The following C9 variants were observed in gnomAD, a reference collection of about 807,000 sequenced individuals.
C9 encodes complement component C9.
A neutral mutation model predicts 65.4 loss-of-function variants in C9; 63 were observed. That is an observed-to-expected ratio of 0.96 (90% CI 0.79 to 1.19). C9 has a LOEUF of 1.19. C9 is among the 50% of genes most tolerant of loss of function. The pLI is 0.00. For missense variants in C9, 744 were observed against 670.1 expected, an observed-to-expected ratio of 1.11 and a Z score of -1.22; for synonymous variants, 229 against 227.9, an observed-to-expected ratio of 1.00 and a Z score of -0.04.
chr5:39,303,583 CAT>C (rs1753322009), intron 9 of C9, among the ~76,000 whole-genome samples: 2 of 150,508 alleles, frequency 1.3e-5, no homozygotes, highest in Admixed American at 1.3e-4. Context: ...TATTTTACCA[CAT>C]AGTTTACTTA....
At chr5:39,301,285 G>C (rs1345477837) in intron 9 of C9, among the ~76,000 whole-genome samples, 1 of 152,038 alleles carries the variant, frequency 6.6e-6, no homozygotes, top group East Asian at 1.9e-4. Context: ...CATAAAAAGT[G>C]TCAAGGTTGA....
At chr5:39,311,478 A>G in intron 6 of C9, 101 bp from the exon 7 acceptor site, 1 of 1,141,344 alleles carries the variant, frequency 8.8e-7, no homozygotes, top group African/African-American at 1.5e-5. Flanking sequence ...TAAATGTTTT[A>G]GCAGTGACCA....
At chr5:39,316,952 A>G (rs1001766445) in intron 5 of C9, among the ~76,000 whole-genome samples, 3 of 152,234 alleles carry the variant, frequency 2.0e-5, no homozygotes, top group African/African-American at 7.2e-5. Flanking sequence ...GAACCAATTT[A>G]CACACCCACC....
chr5:39,301,187 T>G (rs1753274205), intron 9 of C9, among the ~76,000 whole-genome samples: 1 of 152,152 alleles, frequency 6.6e-6, no homozygotes, highest in African/African-American at 2.4e-5. Flanking sequence ...AGAACATTAC[T>G]TCTGTAGTAT....
chr5:39,312,604 G>A (rs1163101159), intron 6 of C9, among the ~76,000 whole-genome samples: 1 of 152,108 alleles, frequency 6.6e-6, no homozygotes, highest in African/African-American at 2.4e-5. Context: ...GGCCAGGGCT[G>A]ATGGCTTACC....
At chr5:39,294,495 CCT>C (rs1753149876) in intron 9 of C9, among the ~76,000 whole-genome samples, 1 of 151,706 alleles carries the variant, frequency 6.6e-6, no homozygotes, top group Non-Finnish European at 1.5e-5. Flanking sequence ...ACACATACAA[CCT>C]CTCGAGTTTG....
At chr5:39,323,935 A>G (rs543259443) in intron 5 of C9, among the ~76,000 whole-genome samples, 3 of 152,292 alleles carry the variant, frequency 2.0e-5, no homozygotes, top group African/African-American at 7.2e-5. Flanking sequence ...ACAAAACAAG[A>G]CAAAAAATGT....
intron 5 of C9, among the ~76,000 whole-genome samples, chr5:39,327,167 A>T (rs1221939092): frequency 6.6e-6 from 1 of 152,182 alleles, no homozygotes; most frequent in African/African-American, 2.4e-5. Flanking sequence ...GCAATCAAAA[A>T]TCAGATCAGG....
chr5:39,316,343 CT>C (rs370174427), intron 5 of C9, among the ~76,000 whole-genome samples: 4,514 of 152,134 alleles, frequency 0.03, 206 homozygotes, highest in African/African-American at 0.1. Context: ...GTATAGCAAA[CT>C]TTTTTTTCAA....
chr5:39,343,134 A>G (rs1416687630), intron 1 of C9, among the ~76,000 whole-genome samples: 1 of 151,988 alleles, frequency 6.6e-6, no homozygotes, highest in Non-Finnish European at 1.5e-5. Context: ...TGCATTTCCA[A>G]CTGAGGTACC....
rs369139477 is a variant in C9 at position 39,306,687 on chromosome 5, A to G, written c.1346T>C (p.Val449Ala). ...GTTGACAAAGTCAGTCACATCAATC[A>G]CGGTTCCTCGGAGAAGCTTTTCTTT... ...ELKEKLLRGT[V>A]IDVTDFVNWA... Residue 449 changes from valine to alanine, a missense_variant, in exon 9 of 11, where the codon GTG (valine) becomes GCG (alanine). Val to Ala is a moderately conservative substitution (Grantham distance 64, BLOSUM62 0). Transcript: ENST00000263408. The G allele has an allele frequency of 1.9e-6, 3 of 1,613,448 alleles. No individual in the cohort carries two copies. The highest frequency in any genetic ancestry group is 2.7e-5 in the African/African-American group (2 of 74,886).
At chr5:39,361,454 A>G (rs700226) in intron 1 of C9, among the ~76,000 whole-genome samples, 54,391 of 152,140 alleles carry the variant, frequency 0.36, 10,239 homozygotes, top group Middle Eastern at 0.49. Flanking sequence ...AGTTAGAGAG[A>G]AAAGGTAATG....
intron 1 of C9, among the ~76,000 whole-genome samples, chr5:39,356,699 T>C (rs150055487): frequency 5.3e-4 from 81 of 152,320 alleles, no homozygotes; most frequent in Middle Eastern, 3.4e-3. Context: ...AAAAAGAATA[T>C]ATTATTGAAA....
At chr5:39,307,066 C>T (rs1325971740) in intron 8 of C9, among the ~76,000 whole-genome samples, 1 of 152,106 alleles carries the variant, frequency 6.6e-6, no homozygotes, top group Non-Finnish European at 1.5e-5. Flanking sequence ...TTCACAGCTC[C>T]TCACATACAA....
intron 4 of C9, among the ~76,000 whole-genome samples, chr5:39,336,288 A>G (rs1753963613): frequency 2.0e-5 from 3 of 152,108 alleles, no homozygotes; most frequent in Non-Finnish European, 4.4e-5. Context: ...GACTTCCTAT[A>G]TACTCTATGC....
chr5:39,304,894 T>C (rs1753346414), intron 9 of C9, among the ~76,000 whole-genome samples: 1 of 152,198 alleles, frequency 6.6e-6, no homozygotes, highest in Non-Finnish European at 1.5e-5. Flanking sequence ...ATAAATCTAG[T>C]AGTAAATCTT....
At chr5:39,303,069 C>G (rs1753310740) in intron 9 of C9, among the ~76,000 whole-genome samples, 1 of 152,158 alleles carries the variant, frequency 6.6e-6, no homozygotes. Flanking sequence ...GCTGCTATTG[C>G]TCTAGAAGAA....
At chr5:39,301,987 A>G (rs1753292072) in intron 9 of C9, among the ~76,000 whole-genome samples, 1 of 152,108 alleles carries the variant, frequency 6.6e-6, no homozygotes, top group African/African-American at 2.4e-5. Context: ...AAAGAAATTC[A>G]TCTTGTTATA....
At chr5:39,317,678 C>G (rs925921974) in intron 5 of C9, among the ~76,000 whole-genome samples, 1 of 152,086 alleles carries the variant, frequency 6.6e-6, no homozygotes. Flanking sequence ...TTTCTGAGTT[C>G]TCTATTGTGT....
Sources: allele counts gnomAD v4.1 joint callset (sites outside exome capture counted in the v4.1 genomes callset), GRCh38; gene constraint gnomAD v4.1.1; transcripts MANE v1.5; gene names NCBI Gene and HGNC (gene_info 2026-07-23, HGNC 2026-07-21).